ONECUT2: variants seen among roughly 807,000 people sequenced by gnomAD.
ONECUT2 encodes the protein one cut domain family member 2.
A neutral mutation model predicts 27.9 loss-of-function variants in ONECUT2; 10 were observed. The ratio of observed to expected loss-of-function variants is 0.36; its 90% CI spans 0.22 to 0.61. ONECUT2 has a LOEUF of 0.61. ONECUT2 is among the 20% of genes least tolerant of loss of function. ONECUT2 has a pLI of 0.73. For missense variants in ONECUT2, 686 were observed against 721.0 expected (o/e 0.95, Z 0.56); for synonymous variants, 334 against 315.1 (o/e 1.06, Z -0.64).
At position 57,471,221 on chromosome 18, in the gene ONECUT2, C is replaced by T. The variant is rs544401828; in HGVS notation, c.1229-5216C>T. 8.5e-4 allele frequency among the ~76,000 whole-genome samples: 129 copies of T among 152,330 alleles called. 1 individual carries two copies. The highest frequency in any genetic ancestry group is 1.6e-3 in the Non-Finnish European group (109 of 68,028). On this transcript the variant is annotated intron_variant, in intron 1 of 1. Transcript: ENST00000491143. ...TCTGACCACATACCTTTGTGCTGCC[C>T]ATGGGTAGGCGATGGACAGGGCCAG...
intron 1 of ONECUT2, among the ~76,000 whole-genome samples, chr18:57,463,762 T>C (rs2050305502): frequency 2.0e-5 from 3 of 152,200 alleles, no homozygotes; most frequent in Admixed American, 2.0e-4. Context: ...TACTGTTTGA[T>C]GTGTTATGGA....
At chr18:57,442,422 A>G (rs2050180562) in intron 1 of ONECUT2, among the ~76,000 whole-genome samples, 1 of 152,154 alleles carries the variant, frequency 6.6e-6, no homozygotes, top group South Asian at 2.1e-4. Context: ...TTCTGCTTTG[A>G]GTTGAGGCAG....
At chr18:57,452,205 C>T (rs1037727372) in intron 1 of ONECUT2, among the ~76,000 whole-genome samples, 1 of 152,138 alleles carries the variant, frequency 6.6e-6, no homozygotes, top group Admixed American at 6.5e-5. Context: ...TTGTGACATG[C>T]TTGATCTTCT....
chr18:57,462,222 T>G (rs570614971), intron 1 of ONECUT2, among the ~76,000 whole-genome samples: 1 of 152,340 alleles, frequency 6.6e-6, no homozygotes, highest in East Asian at 1.9e-4. Flanking sequence ...GTGAAGTGCC[T>G]GTTCAAGTCT....
intron 1 of ONECUT2, among the ~76,000 whole-genome samples, chr18:57,470,870 C>A (rs899017110): frequency 1.3e-5 from 2 of 152,164 alleles, no homozygotes; most frequent in African/African-American, 4.8e-5. Context: ...TGCTTCCCCT[C>A]CCCACCAGCA....
chr18:57,457,922 T>A (rs1302595915), intron 1 of ONECUT2, among the ~76,000 whole-genome samples: 1 of 151,024 alleles, frequency 6.6e-6, no homozygotes, highest in Non-Finnish European at 1.5e-5. Context: ...AGTTGAACAA[T>A]GAGAATACAT....
chr18:57,443,169 G>T (rs2050185203), intron 1 of ONECUT2, among the ~76,000 whole-genome samples: 1 of 152,208 alleles, frequency 6.6e-6, no homozygotes, highest in East Asian at 1.9e-4. Flanking sequence ...GATCCCTGGA[G>T]CAAGGAAGAC....
At chr18:57,444,813 G>A (rs1383060538) in intron 1 of ONECUT2, among the ~76,000 whole-genome samples, 1 of 152,022 alleles carries the variant, frequency 6.6e-6, no homozygotes, top group Non-Finnish European at 1.5e-5. Context: ...ATTCCTTTAA[G>A]TGTTCTCATC....
Position 57,482,429 on chromosome 18 carries a change from A to T in ONECUT2, c.*5706A>T, listed in dbSNP as rs1418976599. ...CTCATTATTCTCACACACCAAAATG[A>T]CTCTGACAGCCTGAAGCAGTTATTG... On this transcript the variant is annotated 3_prime_UTR_variant, in exon 2 of 2. Coordinates refer to ENST00000491143, the MANE Select transcript of ONECUT2 (RefSeq NM_004852.3). 1 of 152,160 alleles carries T rather than the reference A, an allele frequency of 6.6e-6. No homozygotes were observed. The highest frequency in any genetic ancestry group is 1.5e-5 in the Non-Finnish European group (1 of 68,036). 9.4% of individuals were successfully genotyped at this position (152,160 alleles called of 1,614,324 possible). A position where few individuals can be genotyped will look rare whatever the true frequency, so the allele number is the denominator to read the frequency against.
At chr18:57,445,098 TA>T (rs1302009139) in intron 1 of ONECUT2, among the ~76,000 whole-genome samples, 5 of 152,214 alleles carry the variant, frequency 3.3e-5, no homozygotes, top group African/African-American at 1.2e-4. Flanking sequence ...TTTTCTACTG[TA>T]AAATTATTTC....
chr18:57,435,751 C>T lies in ONECUT2; in HGVS notation c.35C>T (p.Thr12Ile). The T allele has an allele frequency of 7.9e-7, 1 of 1,270,462 alleles. No individual in the cohort carries two copies. The highest frequency in any genetic ancestry group is 1.0e-6 in the Non-Finnish European group (1 of 973,748). The allele number at this position is 1,270,462 out of a possible 1,614,324, so 78.7% of individuals were successfully genotyped here. Residue 12 changes from threonine to isoleucine, a missense_variant, in exon 1 of 2, where the codon ACC becomes ATC. Transcript: ENST00000491143. Reference sequence around the variant, plus strand: ...GCCTACACCGCCTATCGATGCCTCACCAAAGACCTAGAAGGCTGCGCCATG... The same window carrying T: ...GCCTACACCGCCTATCGATGCCTCATCAAAGACCTAGAAGGCTGCGCCATG... Reference protein sequence around the residue: ...KAAYTAYRCLTKDLEGCAMNP... With the variant: ...KAAYTAYRCLIKDLEGCAMNP...
chr18:57,454,621 A>G (rs1370233989), intron 1 of ONECUT2, among the ~76,000 whole-genome samples: 1 of 152,172 alleles, frequency 6.6e-6, no homozygotes, highest in Non-Finnish European at 1.5e-5. Flanking sequence ...TTTACAGCTA[A>G]CATCCTATTA....
In ONECUT2 at chr18:57,479,201, C is replaced by G. The variant is rs2050402469; in HGVS notation, c.*2478C>G. 6.6e-6 allele frequency: 1 copy of G among 152,350 alleles called. No homozygotes were observed. Among genetic ancestry groups the G allele is most frequent in the Non-Finnish European group, 1.5e-5 (1 of 68,014 alleles). The allele number at this position is 152,350 out of a possible 1,614,324, so 9.4% of individuals were successfully genotyped here. The stretch of plus-strand genomic sequence containing the variant: ...AAAGAGTTTATAGAGGAATTTACAG[C>G]CTCGTTTTCATGTGATTGCTACATC... On this transcript the variant is annotated 3_prime_UTR_variant, in exon 2 of 2. Transcript: ENST00000491143.
At chr18:57,457,886 G>A (rs1317555511) in intron 1 of ONECUT2, among the ~76,000 whole-genome samples, 2 of 152,108 alleles carry the variant, frequency 1.3e-5, no homozygotes, top group African/African-American at 2.4e-5. Context: ...AAAAGCAAAC[G>A]CTGCATGCTC....
At position 57,450,199 on chromosome 18, in the gene ONECUT2, AG is replaced by A. The variant is rs1309846960; in HGVS notation, c.1228+13256del. On this transcript the variant is annotated intron_variant, in intron 1 of 1. Coordinates refer to ENST00000491143, the MANE Select transcript of ONECUT2 (RefSeq NM_004852.3). The stretch of plus-strand genomic sequence containing the variant: ...TTCTTATTTTATTTTTTTGATCTGG[AG>A]CCGTACTTTGTCACCCAGGCTGGAG... 1.4e-4 allele frequency among the ~76,000 whole-genome samples: 21 copies of A among 152,022 alleles called. No individual in the cohort carries two copies. In the East Asian group the frequency reaches 3.9e-3, roughly 28 times the overall value.
intron 1 of ONECUT2, among the ~76,000 whole-genome samples, chr18:57,470,045 A>G (rs1449153147): frequency 6.6e-6 from 1 of 152,262 alleles, no homozygotes; most frequent in Non-Finnish European, 1.5e-5. Context: ...TGCAAAACAC[A>G]GAACCACAGC....
At chr18:57,474,481 C>A (rs2050370927) in intron 1 of ONECUT2, among the ~76,000 whole-genome samples, 1 of 152,150 alleles carries the variant, frequency 6.6e-6, no homozygotes, top group Admixed American at 6.5e-5. Flanking sequence ...GATTAAGGTG[C>A]CAGCGGATTC....
rs761569532 is a variant in ONECUT2, at chr18:57,436,876, C to T, written c.1160C>T (p.Thr387Ile). 4 of 1,613,536 alleles carry T rather than the reference C, an allele frequency of 2.5e-6. 1 individual carries two copies. Among genetic ancestry groups the T allele is most frequent in the Non-Finnish European group, 3.4e-6 (4 of 1,179,994 alleles). Reference sequence around the variant, plus strand: ...AGTAAACTCAAATCTGGCAGGGAGACCTTCCGCAGGATGTGGAAGTGGCTT... The same window carrying T: ...AGTAAACTCAAATCTGGCAGGGAGATCTTCCGCAGGATGTGGAAGTGGCTT... ...PWSKLKSGRE[T>I]FRRMWKWLQE... The change falls in exon 1 of 2, where the codon ACC becomes ATC. Residue 387 changes from threonine to isoleucine, a missense_variant. Transcript: ENST00000491143. This position sits in a 1 kb window ranked among gnomAD's most constrained non-coding sequence, Gnocchi z 5.9.
intron 1 of ONECUT2, among the ~76,000 whole-genome samples, chr18:57,446,143 T>G (rs553285284): frequency 1.3e-5 from 2 of 152,376 alleles, no homozygotes; most frequent in South Asian, 4.1e-4. Context: ...CTGCTGGCAC[T>G]GCCCTCCCAG....
Sources: allele counts gnomAD v4.1 joint callset (sites outside exome capture counted in the v4.1 genomes callset), GRCh38; gene constraint gnomAD v4.1.1; non-coding constraint Gnocchi (gnomAD v3.1); transcripts MANE v1.5; gene names NCBI Gene and HGNC (gene_info 2026-07-23, HGNC 2026-07-21).